EFCAB7: variants seen among roughly 807,000 people sequenced by gnomAD.
EFCAB7 encodes the protein EF-hand calcium-binding domain-containing protein 7.
In EFCAB7, 66 loss-of-function variants were observed where a neutral mutation model predicts 77.1. That is an observed-to-expected ratio of 0.86 (90% CI 0.70 to 1.05). EFCAB7 has a LOEUF of 1.05. EFCAB7 is among the 50% of genes least tolerant of loss of function. EFCAB7 has a pLI of 0.00. For missense variants in EFCAB7, 638 were observed against 730.5 expected, an observed-to-expected ratio of 0.87 and a Z score of 1.46; for synonymous variants, 225 against 243.3, an observed-to-expected ratio of 0.92 and a Z score of 0.70.
At chr1:63,575,657 C>T (rs1334634311), downstream of EFCAB7, among the ~76,000 whole-genome samples, 2 of 152,048 alleles carry the variant, frequency 1.3e-5, no homozygotes, top group Non-Finnish European at 2.9e-5. Context: ...GCTCTCAGCT[C>T]ACTGCAGCCT....
At chr1:63,578,751 T>C in the EFCAB7 span, among the ~76,000 whole-genome samples, 202 of 151,942 alleles carry the variant, frequency 1.3e-3, 1 homozygote, top group Middle Eastern at 0.02. Flanking sequence ...TCACAAGCAA[T>C]AGATCAATCA....
chr1:63,546,890 C>G (rs974124652), intron 7 of EFCAB7, among the ~76,000 whole-genome samples: 1 of 152,046 alleles, frequency 6.6e-6, no homozygotes, highest in Non-Finnish European at 1.5e-5. Context: ...TTTCTAGTGT[C>G]TAAAATGGTT....
In EFCAB7 at chr1:63,551,847, A is replaced by G; in HGVS notation, c.1056+13A>G. 6.7e-7 allele frequency: 1 copy of G among 1,486,706 alleles called. No individual in the cohort carries two copies. The allele number at this position is 1,486,706 out of a possible 1,614,324, so 92.1% of individuals were successfully genotyped here. A position where few individuals can be genotyped will look rare whatever the true frequency, so the allele number is the denominator to read the frequency against. ...ACGAAATAGAGAAGTATACATATTT[A>G]TTTTCTAATGTTTAATTTTTAAATA... On this transcript the variant is annotated intron_variant, in intron 8 of 13. Transcript: ENST00000371088.
chr1:63,557,275 T>G, intron 10 of EFCAB7, 28 bp downstream of exon 10: 1 of 1,571,780 alleles, frequency 6.4e-7, no homozygotes, highest in Non-Finnish European at 8.6e-7. Context: ...CCTTAACAGA[T>G]GTATAAAAAT....
At position 63,531,886 on chromosome 1, in the gene EFCAB7, C is replaced by A. The variant is rs1309194414; in HGVS notation, c.254C>A (p.Ala85Asp). The change falls in exon 3 of 14, where the codon GCC becomes GAC. Residue 85 changes from alanine to aspartate, a missense_variant. Coordinates refer to ENST00000371088, the MANE Select transcript of EFCAB7 (RefSeq NM_032437.4). Reference protein sequence around the residue: ...TINKYWTPQTAKLNFDDFCII... With the variant: ...TINKYWTPQTDKLNFDDFCII... ...AATAAGTATTGGACTCCTCAAACTG[C>A]CAAACTGAATTTTGATGATTTTTGT... is the stretch of plus-strand genomic sequence containing the variant. The A allele has an allele frequency of 6.2e-7, 1 of 1,613,078 alleles. No homozygotes were observed. The highest frequency in any genetic ancestry group is 8.5e-7 in the Non-Finnish European group (1 of 1,179,506).
chr1:63,540,459 C>T (rs1255758546), intron 6 of EFCAB7, among the ~76,000 whole-genome samples: 2 of 151,120 alleles, frequency 1.3e-5, no homozygotes, highest in Non-Finnish European at 1.5e-5. Context: ...AATTTGAATT[C>T]GTACCCTGAG....
chr1:63,531,568 G>A (rs74078251), intron 2 of EFCAB7, among the ~76,000 whole-genome samples: 1,870 of 152,186 alleles, frequency 0.012, 41 homozygotes, highest in African/African-American at 0.043. Flanking sequence ...GAACCAAACT[G>A]TCAGAATAAG....
chr1:63,585,357 G>A, the EFCAB7 span, among the ~76,000 whole-genome samples: 3 of 151,980 alleles, frequency 2.0e-5, no homozygotes, highest in Non-Finnish European at 4.4e-5. Flanking sequence ...TTAATAAAAT[G>A]TGTCTTCTCT....
At chr1:63,560,645 G>A (rs1223587373) in intron 10 of EFCAB7, among the ~76,000 whole-genome samples, 1 of 151,128 alleles carries the variant, frequency 6.6e-6, no homozygotes, top group African/African-American at 2.4e-5. Context: ...CCTCCCAAGT[G>A]GCTGGGACTA....
rs869302346 is a variant in EFCAB7, at chr1:63,562,449, TTATATATATATATATATATATA to T, written c.1497+617_1497+638del. Among the ~76,000 whole-genome samples, 119 of 22,492 alleles carry T rather than the reference TTATATATATATATATATATATA, an allele frequency of 5.3e-3. 4 individuals carry two copies. In the East Asian group the frequency reaches 0.12, roughly 23 times the overall value. 14.8% of individuals were successfully genotyped at this position (22,492 alleles called of 152,430 possible). On this transcript the variant is annotated intron_variant, in intron 11 of 13. Transcript: ENST00000371088. ...TAAAAATTAGGCCTTCTTAATTTAT[TTATATATATATATATATATATA>T]TATATATATATATATATATATATAA...
chr1:63,524,718 A>G (rs1428522611), intron 1 of EFCAB7, among the ~76,000 whole-genome samples: 4 of 152,238 alleles, frequency 2.6e-5, no homozygotes, highest in African/African-American at 4.8e-5. Context: ...ATTAACAAAG[A>G]AGAAACTGTT....
intron 8 of EFCAB7, among the ~76,000 whole-genome samples, chr1:63,554,412 C>T (rs1647003660): frequency 6.6e-6 from 1 of 152,154 alleles, no homozygotes; most frequent in Non-Finnish European, 1.5e-5. Flanking sequence ...ACGATCTCAG[C>T]TCCCTGCAAC....
Position 63,525,614 on chromosome 1 carries a change from G to A in EFCAB7, c.42G>A (p.Gln14=). The change falls in exon 2 of 14, where the codon CAG becomes CAA. Residue 14 remains glutamine, a synonymous_variant. Transcript: ENST00000371088. ...GAAGCGATGCAACTTTCTCCAGTCA[G>A]AAATCAACACCTTCAGAGAGTCCTC... is the stretch of plus-strand genomic sequence containing the variant. ...SPRSDATFSS[Q]KSTPSESPRT... is the part of the protein sequence containing the mutation. The A allele has an allele frequency of 1.3e-6, 2 of 1,577,156 alleles. No individual in the cohort carries two copies. The highest frequency in any genetic ancestry group is 8.5e-7 in the Non-Finnish European group (1 of 1,171,274).
rs1030135461 is a variant in EFCAB7 at position 63,531,864 on chromosome 1, A to G, written c.232A>G (p.Lys78Glu). The G allele has an allele frequency of 8.1e-6, 13 of 1,612,890 alleles. 1 individual carries two copies. Among genetic ancestry groups the G allele is most frequent in the Non-Finnish European group, 9.3e-6 (11 of 1,179,506 alleles). Residue 78 changes from lysine (K) to glutamate (E), a missense_variant, in exon 3 of 14, where the codon AAG becomes GAG. Coordinates refer to ENST00000371088, the MANE Select transcript of EFCAB7 (RefSeq NM_032437.4). The part of the protein sequence containing the change: ...GRNPSQKTIN[K>E]YWTPQTAKLN... ...AAATCCATCCCAAAAGACCATTAATAAGTATTGGACTCCTCAAACTGCCAA... is the reference window on the plus strand; with the variant it reads ...AAATCCATCCCAAAAGACCATTAATGAGTATTGGACTCCTCAAACTGCCAA...
downstream of EFCAB7, among the ~76,000 whole-genome samples, chr1:63,577,154 CT>C (rs200410131): frequency 1.4e-3 from 209 of 145,016 alleles, 1 homozygote; most frequent in African/African-American, 3.8e-3. Context: ...AAAAAGAGTA[CT>C]TTTTTTTTTT....
chr1:63,541,283 T>C, intron 6 of EFCAB7, among the ~76,000 whole-genome samples: 1 of 152,160 alleles, frequency 6.6e-6, no homozygotes, highest in East Asian at 1.9e-4. Flanking sequence ...AATTTTTTTA[T>C]AAAACAATAC....
chr1:63,572,354 A>T (rs1204684711), intron 13 of EFCAB7, 88 bp from the exon 14 acceptor site: 6 of 1,043,960 alleles, frequency 5.7e-6, no homozygotes, highest in African/African-American at 3.3e-5. Context: ...ATTCTTATAC[A>T]AGGCCTAGAA....
chr1:63,556,531 T>C (rs1414500345), intron 9 of EFCAB7, among the ~76,000 whole-genome samples: 2 of 152,112 alleles, frequency 1.3e-5, no homozygotes, highest in African/African-American at 2.4e-5. Flanking sequence ...AGAAAGTAGA[T>C]TGGAGAAAGG....
intron 10 of EFCAB7, among the ~76,000 whole-genome samples, chr1:63,558,098 A>G (rs1647052640): frequency 6.6e-6 from 1 of 152,326 alleles, no homozygotes; most frequent in African/African-American, 2.4e-5. Flanking sequence ...AGTTAATATA[A>G]TCAACAGCAA....
Sources: gnomAD v4.1 joint callset for allele counts (sites outside exome capture counted in the v4.1 genomes callset) on GRCh38, gnomAD v4.1.1 for gene constraint, MANE v1.5 for transcripts, NCBI Gene and HGNC (gene_info 2026-07-23, HGNC 2026-07-21) for gene names.